CDH4: variants seen among roughly 807,000 people sequenced by gnomAD.
CDH4 encodes the protein cadherin 4, also known as cadherin-4.
A neutral mutation model predicts 86.0 loss-of-function variants in CDH4; 33 were observed. The ratio of observed to expected loss-of-function variants is 0.38; its 90% CI spans 0.29 to 0.51. The LOEUF is 0.51. Among genes scored for constraint, CDH4 ranks in the 20% least tolerant of loss-of-function variants. The probability of loss-of-function intolerance (pLI) is 0.86; values close to 1 mark genes in which losing one functional copy is unlikely to be tolerated. For missense variants in CDH4, 1,114 were observed against 1,307.4 expected (o/e 0.85, Z 2.28); for synonymous variants, 555 against 549.4 (o/e 1.01, Z -0.14).
chr20:61,851,614 AAGAT>A (rs1469440727), intron 5 of CDH4, among the ~76,000 whole-genome samples: 3 of 152,156 alleles, frequency 2.0e-5, no homozygotes, highest in Non-Finnish European at 4.4e-5. Flanking sequence ...TTTTGGCAGA[AAGAT>A]GTGAGCTGAG....
intron 5 of CDH4, among the ~76,000 whole-genome samples, chr20:61,847,042 A>G (rs1982489600): frequency 6.6e-6 from 1 of 152,212 alleles, no homozygotes; most frequent in Non-Finnish European, 1.5e-5. Flanking sequence ...GGTGACCTGC[A>G]CCAGCAGAAG....
intron 4 of CDH4, among the ~76,000 whole-genome samples, chr20:61,834,896 T>C (rs1206812681): frequency 1.3e-5 from 2 of 152,208 alleles, no homozygotes; most frequent in Non-Finnish European, 2.9e-5. Context: ...AAGGAGCTCC[T>C]TGGACGCCTC....
intron 9 of CDH4, among the ~76,000 whole-genome samples, chr20:61,918,053 C>T (rs925597386): frequency 7.2e-5 from 11 of 152,248 alleles, no homozygotes; most frequent in Non-Finnish European, 1.0e-4. Context: ...TGAGTGGCCC[C>T]GTCCCAGCCA....
chr20:61,437,276 T>A (rs561340799), intron 2 of CDH4: 17 of 152,382 alleles, frequency 1.1e-4, no homozygotes, highest in African/African-American at 4.1e-4. Context: ...AGCTGTTTAT[T>A]TGCCTTGATG....
At chr20:61,297,065 G>A (rs1051551304) in intron 2 of CDH4, among the ~76,000 whole-genome samples, 6 of 152,156 alleles carry the variant, frequency 3.9e-5, no homozygotes, top group African/African-American at 1.4e-4. Context: ...CCATGTATTA[G>A]GGGTTCCTAA....
Position 61,658,350 on chromosome 20 carries a change from G to A in CDH4, c.170-85213G>A, listed in dbSNP as rs1321452748. ...GCAACCCCGAGTCATTGTCCCCTCC[G>A]AGTTCCAGATCTCTCTATTAGAGAG... is the stretch of plus-strand genomic sequence containing the variant. On this transcript the variant is annotated intron_variant, in intron 2 of 15. Transcript: ENST00000614565. 3.9e-5 allele frequency among the ~76,000 whole-genome samples: 6 copies of A among 151,966 alleles called. No individual in the cohort carries two copies. The East Asian group carries it at 7.8e-4, about 20-fold the overall frequency.
chr20:61,799,556 G>A (rs1339256990), intron 4 of CDH4, among the ~76,000 whole-genome samples: 1 of 152,184 alleles, frequency 6.6e-6, no homozygotes, highest in Non-Finnish European at 1.5e-5. Context: ...AGAGGCCAGG[G>A]GGCTGCTCTC....
intron 4 of CDH4, among the ~76,000 whole-genome samples, chr20:61,841,834 C>T (rs550322502): frequency 4.2e-4 from 64 of 152,284 alleles, no homozygotes; most frequent in African/African-American, 1.5e-3. Context: ...ACGTGAGCAG[C>T]CCCCTATTGG....
chr20:61,875,016 C>T (rs982011822), intron 7 of CDH4, among the ~76,000 whole-genome samples: 4 of 152,226 alleles, frequency 2.6e-5, no homozygotes, highest in Non-Finnish European at 5.9e-5. Flanking sequence ...CCACTGCAAG[C>T]TGGGGCTGCC....
intron 2 of CDH4, among the ~76,000 whole-genome samples, chr20:61,609,332 G>A (rs371000404): frequency 1.1e-4 from 16 of 152,222 alleles, no homozygotes; most frequent in South Asian, 1.0e-3. Context: ...GTGCTCCACC[G>A]GGCAGCCTTT....
At chr20:61,762,846 C>T (rs1205127280) in intron 3 of CDH4, among the ~76,000 whole-genome samples, 2 of 152,236 alleles carry the variant, frequency 1.3e-5, no homozygotes, top group Non-Finnish European at 2.9e-5. Flanking sequence ...AGCAGTTACA[C>T]CTTTCCAGGA....
intron 2 of CDH4, among the ~76,000 whole-genome samples, chr20:61,675,078 A>G (rs572914876): frequency 2.0e-5 from 3 of 152,362 alleles, no homozygotes; most frequent in South Asian, 2.1e-4. Context: ...TGGGGTCTTC[A>G]TTCTAGCAGT....
chr20:61,799,484 ACCTGTGCCCAGAG>A (rs1979719057), intron 4 of CDH4, among the ~76,000 whole-genome samples: 1 of 152,114 alleles, frequency 6.6e-6, no homozygotes, highest in African/African-American at 2.4e-5. Flanking sequence ...AACCATTGGC[ACCTGTGCCCAGAG>A]CCTGGGCCTG....
At chr20:61,420,499 C>T (rs930940346) in intron 2 of CDH4, among the ~76,000 whole-genome samples, 2 of 152,240 alleles carry the variant, frequency 1.3e-5, no homozygotes, top group African/African-American at 4.8e-5. Flanking sequence ...ACTTTGTCGC[C>T]ACTGAAAACA....
At position 61,674,777 on chromosome 20, in the gene CDH4, G is replaced by C. The variant is rs374329985; in HGVS notation, c.170-68786G>C. On this transcript the variant is annotated intron_variant, in intron 2 of 15. Coordinates refer to ENST00000614565, the MANE Select transcript of CDH4 (RefSeq NM_001794.5). Reference sequence around the variant, plus strand: ...CAAAGCCTTATGTGTATTTCATGCTGATTGACTGCTCAGCCCAGTTAGAAC... The same window carrying C: ...CAAAGCCTTATGTGTATTTCATGCTCATTGACTGCTCAGCCCAGTTAGAAC... Among the ~76,000 whole-genome samples the C allele has an allele frequency of 6.8e-4, 104 of 152,336 alleles. 3 individuals carry two copies. In the South Asian group the frequency reaches 0.021, roughly 30 times the overall value.
rs2055233383 is a variant in CDH4 at position 61,939,124 on chromosome 20, T to C, written c.*2181T>C. On this transcript the variant is annotated 3_prime_UTR_variant, in exon 16 of 16. Coordinates refer to ENST00000614565, the MANE Select transcript of CDH4 (RefSeq NM_001794.5). The stretch of plus-strand genomic sequence containing the variant: ...GAAGGACTGGAAATCTCTGTTGTTG[T>C]TTGGGGAAGTCCATGCTTCAGTCCT... 6.6e-6 allele frequency: 1 copy of C among 152,344 alleles called. No individual in the cohort carries two copies. The highest frequency in any genetic ancestry group is 2.1e-4 in the South Asian group (1 of 4,836). The allele number at this position is 152,344 out of a possible 1,614,324, so 9.4% of individuals were successfully genotyped here. A position where few individuals can be genotyped will look rare whatever the true frequency, so the allele number is the denominator to read the frequency against.
chr20:61,386,903 C>G (rs1308978328), intron 2 of CDH4, among the ~76,000 whole-genome samples: 1 of 152,210 alleles, frequency 6.6e-6, no homozygotes, highest in African/African-American at 2.4e-5. Context: ...GGGGAGGAGG[C>G]GTCAGGACCG....
At chr20:61,722,698 A>G (rs1392217064) in intron 2 of CDH4, among the ~76,000 whole-genome samples, 4 of 138,556 alleles carry the variant, frequency 2.9e-5, no homozygotes, top group Admixed American at 8.2e-5. Context: ...CTGCTCTTTC[A>G]AGTGACAAGA....
At chr20:61,475,348 C>A (rs944026794) in intron 2 of CDH4, among the ~76,000 whole-genome samples, 39 of 151,438 alleles carry the variant, frequency 2.6e-4, no homozygotes, top group African/African-American at 9.5e-4. Flanking sequence ...AAATTCTGAT[C>A]CAGCAAAAAT....
Sources: allele counts gnomAD v4.1 joint callset (sites outside exome capture counted in the v4.1 genomes callset), GRCh38; gene constraint gnomAD v4.1.1; transcripts MANE v1.5; gene names NCBI Gene and HGNC (gene_info 2026-07-23, HGNC 2026-07-21).